SFTPD: variants seen among roughly 807,000 people sequenced by gnomAD.
The protein encoded by SFTPD is pulmonary surfactant-associated protein D.
SFTPD carries 18 observed loss-of-function variants against 34.6 expected under a neutral mutation model. That is an observed-to-expected ratio of 0.52 (90% confidence interval 0.36 to 0.77). The LOEUF (loss-of-function observed/expected upper bound fraction) is 0.77, where lower values mean the gene tolerates loss of function less well. SFTPD is among the 30% of genes least tolerant of loss of function. The pLI is 0.00. For synonymous variants in SFTPD, 155 were observed against 180.9 expected (o/e 0.86, Z 1.15); for missense variants, 433 against 468.9 (o/e 0.92, Z 0.71).
At chr10:79,982,131 G>T (rs945502454) in intron 1 of SFTPD, 6 of 342,816 alleles carry the variant, frequency 1.8e-5, no homozygotes, top group Admixed American at 1.5e-4. Context: ...CCGCCCTCCT[G>T]GCTCTCCGGG....
chr10:79,957,945 G>A (rs1842749519), intron 1 of SFTPD, among the ~76,000 whole-genome samples: 1 of 152,332 alleles, frequency 6.6e-6, no homozygotes, highest in South Asian at 2.1e-4. Flanking sequence ...GACCAACAGT[G>A]GATCTCTCAG....
chr10:79,942,251 G>T (rs2132494982), intron 4 of SFTPD, 137 bp downstream of exon 4: 2 of 739,910 alleles, frequency 2.7e-6, no homozygotes, highest in Middle Eastern at 2.9e-4. Context: ...TGTGGGGATT[G>T]GGAGGGTGCA....
chr10:79,947,107 CA>C (rs1201363983), intron 1 of SFTPD, among the ~76,000 whole-genome samples: 2 of 152,244 alleles, frequency 1.3e-5, no homozygotes, highest in Admixed American at 1.3e-4. Flanking sequence ...TCAGACAAGG[CA>C]AGCCTGTTTC....
chr10:79,937,746 G>T lies in SFTPD; in HGVS notation c.*106C>A. 1 of 1,249,720 alleles carries T rather than the reference G, an allele frequency of 8.0e-7. No individual in the cohort carries two copies. Among genetic ancestry groups the T allele is most frequent in the Non-Finnish European group, 1.1e-6 (1 of 915,536 alleles). 77.4% of individuals were successfully genotyped at this position (1,249,720 alleles called of 1,614,324 possible). A position where few individuals can be genotyped will look rare whatever the true frequency, so the allele number is the denominator to read the frequency against. On this transcript the variant is annotated 3_prime_UTR_variant, in exon 8 of 8. Coordinates refer to ENST00000372292, the MANE Select transcript of SFTPD (RefSeq NM_003019.5). The stretch of plus-strand genomic sequence containing the variant: ...ACATTCTGGAGAGAAGTCCTTCCCG[G>T]CACAGATGGTCACCTTTTTATTAGG...
chr10:79,958,489 C>T (rs1369340658), intron 1 of SFTPD, among the ~76,000 whole-genome samples: 1 of 152,078 alleles, frequency 6.6e-6, no homozygotes, highest in African/African-American at 2.4e-5. Context: ...GCAGGGGTTG[C>T]AATCCTAGTC....
At chr10:79,959,080 T>C (rs1316723093) in intron 1 of SFTPD, among the ~76,000 whole-genome samples, 2 of 151,402 alleles carry the variant, frequency 1.3e-5, no homozygotes, top group African/African-American at 4.9e-5. Flanking sequence ...GAAATAAAGA[T>C]GTTCTTTGAA....
chr10:79,979,324 C>T (rs533629764), intron 1 of SFTPD, among the ~76,000 whole-genome samples: 2 of 151,654 alleles, frequency 1.3e-5, no homozygotes, highest in African/African-American at 2.4e-5. Flanking sequence ...GACAACTATC[C>T]GCACAAAAAA....
chr10:79,939,535 T>C (rs1842590962), intron 7 of SFTPD, among the ~76,000 whole-genome samples: 1 of 152,204 alleles, frequency 6.6e-6, no homozygotes. Flanking sequence ...GTGTGCTATA[T>C]AGACAACATA....
chr10:79,942,734 A>T (rs1453352911), intron 3 of SFTPD, 29 bp downstream of exon 3: 20 of 1,412,164 alleles, frequency 1.4e-5, no homozygotes, highest in Non-Finnish European at 2.0e-5. Flanking sequence ...CCACCTGGAA[A>T]CACCTGAAGT....
At chr10:79,962,874 C>T (rs2132515273) in intron 1 of SFTPD, among the ~76,000 whole-genome samples, 1 of 152,076 alleles carries the variant, frequency 6.6e-6, no homozygotes, top group East Asian at 1.9e-4. Context: ...TTATCAAAAC[C>T]TTTTCAATGA....
intron 4 of SFTPD, 80 bp from the exon 5 acceptor site, chr10:79,942,150 G>A: frequency 3.8e-6 from 4 of 1,043,002 alleles, no homozygotes; most frequent in Non-Finnish European, 5.8e-6. Flanking sequence ...GGAGCTTTTT[G>A]CCCGCAACTT....
intron 1 of SFTPD, among the ~76,000 whole-genome samples, chr10:79,974,941 G>A (rs1195511246): frequency 6.6e-6 from 1 of 152,196 alleles, no homozygotes; most frequent in Non-Finnish European, 1.5e-5. Context: ...TTAACTAAAA[G>A]TATCCCTTAT....
At position 79,938,298 on chromosome 10, in the gene SFTPD, C is replaced by G. The variant is rs150479168; in HGVS notation, c.752-70G>C. 2,582 of 1,433,018 alleles carry G rather than the reference C, an allele frequency of 1.8e-3. 25 individuals carry two copies. In the Admixed American group the frequency reaches 0.023, roughly 13 times the overall value. 88.8% of individuals were successfully genotyped at this position (1,433,018 alleles called of 1,614,324 possible). On this transcript the variant is annotated intron_variant, in intron 7 of 7. Coordinates refer to ENST00000372292, the MANE Select transcript of SFTPD (RefSeq NM_003019.5). Reference sequence around the variant, plus strand: ...CCAAAGCTCAGGGGCTGTGAGACCTCTGTGCTCCAACCTGAGCCTTTCAGA... The same window carrying G: ...CCAAAGCTCAGGGGCTGTGAGACCTGTGTGCTCCAACCTGAGCCTTTCAGA...
chr10:79,938,284 G>A (rs1842578126), intron 7 of SFTPD, 56 bp from the exon 8 acceptor site: 2 of 1,510,350 alleles, frequency 1.3e-6, no homozygotes, highest in Non-Finnish European at 1.8e-6. Context: ...CAAAGCTCAG[G>A]GGCTGTGAGA....
chr10:79,965,437 T>C (rs1390010668), intron 1 of SFTPD, among the ~76,000 whole-genome samples: 1 of 151,512 alleles, frequency 6.6e-6, no homozygotes, highest in South Asian at 2.1e-4. Context: ...TCGCCCCTAA[T>C]CCCGCTCGAA....
chr10:79,978,414 G>T (rs941834673), intron 1 of SFTPD, among the ~76,000 whole-genome samples: 4 of 152,106 alleles, frequency 2.6e-5, no homozygotes, highest in African/African-American at 9.7e-5. Context: ...CACTTTGGGA[G>T]GCCAACGTGG....
At chr10:79,938,797 G>T (rs559996156) in intron 7 of SFTPD, among the ~76,000 whole-genome samples, 1 of 152,352 alleles carries the variant, frequency 6.6e-6, no homozygotes, top group South Asian at 2.1e-4. Flanking sequence ...TCTGAAAGCT[G>T]TCAGATGCTA....
At chr10:79,942,995 C>T (rs371976195) in intron 2 of SFTPD, 116 bp from the exon 3 acceptor site, 97 of 679,310 alleles carry the variant, frequency 1.4e-4, no homozygotes, top group Admixed American at 1.2e-3. Context: ...AGACTTCCAC[C>T]GTCACACACC....
chr10:79,967,715 G>C (rs1842810625), intron 1 of SFTPD, among the ~76,000 whole-genome samples: 1 of 151,912 alleles, frequency 6.6e-6, no homozygotes, highest in Non-Finnish European at 1.5e-5. Context: ...TCAGGCCTCT[G>C]AGCCCAGGCC....
Sources: gnomAD v4.1 joint callset for allele counts (sites outside exome capture counted in the v4.1 genomes callset) on GRCh38, gnomAD v4.1.1 for gene constraint, MANE v1.5 for transcripts, NCBI Gene and HGNC (gene_info 2026-07-23, HGNC 2026-07-21) for gene names.